The following MUC4 variants were observed in gnomAD, a reference collection of about 807,000 sequenced individuals.
The protein encoded by MUC4 is mucin-4.
A neutral mutation model predicts 257.9 loss-of-function variants in MUC4; 202 were observed. That is an observed-to-expected ratio of 0.78 (90% CI 0.70 to 0.88). The LOEUF is 0.88. MUC4 is among the 40% of genes least tolerant of loss of function. MUC4 has a pLI of 0.00. For synonymous variants in MUC4, 2,351 were observed against 2,757.1 expected (o/e 0.85, Z 4.62); for missense variants, 5,976 against 6,513.7 (o/e 0.92, Z 2.84).
At chr3:195,793,226 G>T (rs114015019) in intron 1 of MUC4, among the ~76,000 whole-genome samples, 3,146 of 152,280 alleles carry the variant, frequency 0.021, 119 homozygotes, top group African/African-American at 0.072. Flanking sequence ...GGCCGGGCAT[G>T]GTAGCCCCAC....
chr3:195,756,684 A>G (rs546100520), intron 18 of MUC4, among the ~76,000 whole-genome samples: 2 of 133,844 alleles, frequency 1.5e-5, no homozygotes, highest in Admixed American at 8.7e-5. Flanking sequence ...TCTTTTTGAC[A>G]TAGAGTCTCA....
chr3:195,767,870 A>ATCG (rs1560266013), intron 7 of MUC4, among the ~76,000 whole-genome samples: 14 of 140,888 alleles, frequency 9.9e-5, no homozygotes, highest in African/African-American at 2.9e-4. Flanking sequence ...CCCCAACACC[A>ATCG]CCACCATCAC....
chr3:195,767,545 ACCATCACCATTACCATTG>A (rs1721064948), intron 7 of MUC4, among the ~76,000 whole-genome samples: 1 of 123,356 alleles, frequency 8.1e-6, no homozygotes, highest in Admixed American at 7.5e-5. Context: ...CACCATCATC[ACCATCACCATTACCATTG>A]CCACCACCAT....
At position 195,762,634 on chromosome 3, in the gene MUC4, ACG is replaced by A. The variant is rs1403808617; in HGVS notation, c.14344+219_14344+220del. On this transcript the variant is annotated intron_variant, in intron 13 of 24. Coordinates refer to ENST00000463781, the MANE Select transcript of MUC4 (RefSeq NM_018406.7). ...GCCACGCACCCGGCCCTGCACCGCC[ACG>A]CACCGGGCCCTGCACCGCCACGCAC... Among the ~76,000 whole-genome samples the A allele has an allele frequency of 7.7e-3, 1,021 of 132,716 alleles. 61 individuals carry two copies. The highest frequency in any genetic ancestry group is 0.027 in the African/African-American group (961 of 35,002). The allele number at this position is 132,716 out of a possible 152,430, so 87.1% of individuals were successfully genotyped here. A position where few individuals can be genotyped will look rare whatever the true frequency, so the allele number is the denominator to read the frequency against.
At position 195,754,761 on chromosome 3, in the gene MUC4, TG is replaced by T. The variant is rs1717182657; in HGVS notation, c.15169-390del. Among the ~76,000 whole-genome samples, 14 of 152,366 alleles carry T rather than the reference TG, an allele frequency of 9.2e-5. No individual in the cohort carries two copies. The East Asian group carries it at 1.2e-3, about 13-fold the overall frequency. On this transcript the variant is annotated intron_variant, in intron 18 of 24. Transcript: ENST00000463781. Reference sequence around the variant, plus strand: ...ATGTATAGATGTATGTATCCATGTATGTATGTATCCATGTATGTATGTGTGT... The same window carrying T: ...ATGTATAGATGTATGTATCCATGTATTATGTATCCATGTATGTATGTGTGT...
Position 195,785,566 on chromosome 3 carries a change from T to C in MUC4, c.6014A>G (p.Asp2005Gly), listed in dbSNP as rs551948263. Residue 2005 changes from aspartate (D) to glycine (G), a missense_variant, in exon 2 of 25, where the codon GAC becomes GGC. Coordinates refer to ENST00000463781, the MANE Select transcript of MUC4 (RefSeq NM_018406.7). ...CTGTCCTGTAGATACTGAGGAAGTGTCGGTGACCGGAAGAGGGGTGGCATG... is the reference window on the plus strand; with the variant it reads ...CTGTCCTGTAGATACTGAGGAAGTGCCGGTGACCGGAAGAGGGGTGGCATG... ...TGHATPLPVT[D>G]TSSVSTGQAT... 926 of 1,433,554 alleles carry C rather than the reference T, an allele frequency of 6.5e-4. 185 individuals carry two copies. The African/African-American group carries it at 0.018, about 28-fold the overall frequency. The allele number at this position is 1,433,554 out of a possible 1,614,324, so 88.8% of individuals were successfully genotyped here.
Position 195,766,717 on chromosome 3 carries a change from A to G in MUC4, c.13564T>C (p.Ser4522Pro), listed in dbSNP as rs1310943459. 1 of 1,614,064 alleles carries G rather than the reference A, an allele frequency of 6.2e-7. No individual in the cohort carries two copies. The highest frequency in any genetic ancestry group is 1.7e-5 in the Admixed American group (1 of 60,006). Reference protein sequence around the residue: ...DGYFENSPLMSQPVWERYRPD... With the variant: ...DGYFENSPLMPQPVWERYRPD... ...CGATACCTCTCCCACACTGGCTGGG[A>G]CATCAGTGGGCTGTTTTCGAAATAG... Residue 4522 changes from serine to proline, a missense_variant, in exon 8 of 25, where the codon TCC becomes CCC. Ser to Pro is a moderately conservative substitution (Grantham distance 74). Coordinates refer to ENST00000463781, the MANE Select transcript of MUC4 (RefSeq NM_018406.7).
chr3:195,761,894 C>A lies in MUC4; in HGVS notation c.14512+193G>T, dbSNP rs116085423. Among the ~76,000 whole-genome samples, 3,373 of 152,210 alleles carry A rather than the reference C, an allele frequency of 0.022. 126 individuals carry two copies. The highest frequency in any genetic ancestry group is 0.074 in the African/African-American group (3,090 of 41,536). On this transcript the variant is annotated intron_variant, in intron 14 of 24. Transcript: ENST00000463781. ...CCCCCTGATGCTCCCTTAGAGCGGG[C>A]GGAGGACAGGAAGGGAGCCTCGGGG...
intron 10 of MUC4, among the ~76,000 whole-genome samples, chr3:195,764,430 C>G (rs551097846): frequency 1.3e-5 from 2 of 152,254 alleles, no homozygotes; most frequent in Non-Finnish European, 2.9e-5. Context: ...GGTGCTGTCT[C>G]TTTTGCAGGC....
At position 195,768,880 on chromosome 3, in the gene MUC4, G is replaced by A. The variant is rs539761533; in HGVS notation, c.13529+142C>T. The stretch of plus-strand genomic sequence containing the variant: ...AAGCAGCCAGATGCCTGGCCCCAGC[G>A]GGAGCTGGAGTCAGCGTGAGTCAGA... On this transcript the variant is annotated intron_variant, in intron 7 of 24. Coordinates refer to ENST00000463781, the MANE Select transcript of MUC4 (RefSeq NM_018406.7). The A allele has an allele frequency of 1.8e-5, 20 of 1,091,998 alleles. No homozygotes were observed. In the East Asian group the frequency reaches 2.7e-4, roughly 15 times the overall value. 67.6% of individuals were successfully genotyped at this position (1,091,998 alleles called of 1,614,324 possible).
intron 7 of MUC4, among the ~76,000 whole-genome samples, chr3:195,767,647 A>ATCG: frequency 1.0e-5 from 1 of 98,264 alleles, no homozygotes; most frequent in Non-Finnish European, 1.8e-5. Flanking sequence ...CACCATCGCC[A>ATCG]CCACCACCAC....
At chr3:195,747,486 GC>G in intron 24 of MUC4, 106 bp from the exon 25 acceptor site, 1 of 1,294,380 alleles carries the variant, frequency 7.7e-7, no homozygotes, top group Non-Finnish European at 1.1e-6. Flanking sequence ...GGCTGGGCTC[GC>G]CCCACTCTCC....
chr3:195,789,020 G>T lies in MUC4; in HGVS notation c.2560C>A (p.His854Asn). ...TTELLSASAS[H>N]GAIPVSTGMA... ...CCTGTGCTTACTGGGATGGCACCAT[G>T]ACTGGCTGAGGCGGACAGCAATTCG... The change falls in exon 2 of 25, where the codon CAT (histidine) becomes AAT (asparagine). Residue 854 changes from histidine (H) to asparagine (N), a missense_variant. By Grantham distance (68) the His-to-Asn change is moderately conservative. Coordinates refer to ENST00000463781, the MANE Select transcript of MUC4 (RefSeq NM_018406.7). The T allele has an allele frequency of 6.2e-7, 1 of 1,613,882 alleles. No homozygotes were observed. The highest frequency in any genetic ancestry group is 8.5e-7 in the Non-Finnish European group (1 of 1,179,846).
At chr3:195,776,684 C>G (rs1434488141) in intron 3 of MUC4, among the ~76,000 whole-genome samples, 3 of 26,636 alleles carry the variant, frequency 1.1e-4, no homozygotes, top group Non-Finnish European at 1.4e-4. Context: ...ACCTTCCACA[C>G]CCTTACCTTC....
intron 1 of MUC4, among the ~76,000 whole-genome samples, chr3:195,796,239 C>T (rs376480748): frequency 2.6e-5 from 4 of 152,076 alleles, no homozygotes; most frequent in South Asian, 4.2e-4. Context: ...CATGCCACCA[C>T]GCCCGGCTAA....
At chr3:195,748,791 C>A in intron 24 of MUC4, 111 bp downstream of exon 24, 2 of 1,351,262 alleles carry the variant, frequency 1.5e-6, no homozygotes, top group Non-Finnish European at 2.0e-6. Context: ...GTCCTCTCTT[C>A]CCTGGTCTCT....
chr3:195,808,476 GA>G (rs1206506915), intron 1 of MUC4, among the ~76,000 whole-genome samples: 2 of 152,018 alleles, frequency 1.3e-5, no homozygotes, highest in Non-Finnish European at 2.9e-5. Flanking sequence ...AAAGTGCTGG[GA>G]TTACAGCGTG....
At chr3:195,751,704 T>A in intron 21 of MUC4, 1 of 260,788 alleles carries the variant, frequency 3.8e-6, no homozygotes, top group Non-Finnish European at 7.4e-6. Flanking sequence ...GTGACAAATG[T>A]CAACAGATTT....
rs1736512682 is a variant in MUC4, at chr3:195,810,133, T to TG, written c.82+1602dup. 7.1e-6 allele frequency: 1 copy of TG among 140,814 alleles called. No individual in the cohort carries two copies. The highest frequency in any genetic ancestry group is 2.7e-5 in the African/African-American group (1 of 37,524). The allele number at this position is 140,814 out of a possible 1,614,324, so 8.7% of individuals were successfully genotyped here. A position where few individuals can be genotyped will look rare whatever the true frequency, so the allele number is the denominator to read the frequency against. ...AGGGTGGGGTGGGGGTGCTGGAGGG[T>TG]GGGGAGGTGTAGGGAGGTGGTGGCA... On this transcript the variant is annotated intron_variant, in intron 1 of 24. Transcript: ENST00000463781. This position sits in a 1 kb window ranked among gnomAD's most constrained non-coding sequence, Gnocchi z 4.2.
Sources: gnomAD v4.1 joint callset for allele counts (sites outside exome capture counted in the v4.1 genomes callset) on GRCh38, gnomAD v4.1.1 for gene constraint, Gnocchi (gnomAD v3.1) non-coding constraint, MANE v1.5 for transcripts, NCBI Gene and HGNC (gene_info 2026-07-23, HGNC 2026-07-21) for gene names.